Variants in IRAK4 observed in about 807,000 individuals in gnomAD.
IRAK4 encodes interleukin-1 receptor-associated kinase 4.
In IRAK4, 44 loss-of-function variants were observed where a neutral mutation model predicts 51.8. The ratio of observed to expected loss-of-function variants is 0.85; its 90% CI spans 0.67 to 1.09. IRAK4 has a LOEUF of 1.09. Among genes scored for constraint, IRAK4 ranks in the 50% least tolerant of loss-of-function variants. The probability of loss-of-function intolerance (pLI) is 0.00; values close to 1 mark genes in which losing one functional copy is unlikely to be tolerated. For synonymous variants in IRAK4, 149 were observed against 174.1 expected (o/e 0.86, Z 1.13); for missense variants, 487 against 538.0 (o/e 0.91, Z 0.94).
intron 1 of IRAK4, among the ~76,000 whole-genome samples, chr12:43,761,684 C>T (rs909927113): frequency 3.3e-4 from 51 of 152,314 alleles, no homozygotes; most frequent in African/African-American, 1.2e-3. Context: ...CACCCCTGCA[C>T]AATCTTTTCC....
At chr12:43,767,182 G>C (rs1940242346) in intron 1 of IRAK4, among the ~76,000 whole-genome samples, 1 of 152,118 alleles carries the variant, frequency 6.6e-6, no homozygotes, top group African/African-American at 2.4e-5. Context: ...GTCTTAATTG[G>C]AAGGAAAGAT....
chr12:43,783,119 G>C (rs1481135093), intron 9 of IRAK4, among the ~76,000 whole-genome samples: 1 of 152,110 alleles, frequency 6.6e-6, no homozygotes, highest in African/African-American at 2.4e-5. Flanking sequence ...GAAAAGAGCT[G>C]CTTATGGTCA....
In IRAK4 at chr12:43,777,631, T is replaced by A. The variant is rs1348205393; in HGVS notation, c.718T>A (p.Cys240Ser). 6.2e-7 allele frequency: 1 copy of A among 1,603,432 alleles called. No individual in the cohort carries two copies. The highest frequency in any genetic ancestry group is 1.7e-5 in the Admixed American group (1 of 59,534). ...TGCATGAAAAATTATTTGTCACAGG[T>A]GTCAACATGAAAACTTAGTAGAACT... ...FDQEIKVMAK[C>S]QHENLVELLG... Residue 240 changes from cysteine (C) to serine (S), a missense_variant and splice_region_variant, in exon 7 of 12, where the codon TGT becomes AGT. By Grantham distance (112) the Cys-to-Ser change is moderately radical. Coordinates refer to ENST00000613694, the MANE Select transcript of IRAK4 (RefSeq NM_016123.4).
At chr12:43,760,266 C>T (rs1939363468) in intron 1 of IRAK4, among the ~76,000 whole-genome samples, 1 of 152,230 alleles carries the variant, frequency 6.6e-6, no homozygotes, top group South Asian at 2.1e-4. Flanking sequence ...CCTAGGACTT[C>T]TGCACTTGCT....
At chr12:43,778,089 ACAT>A (rs1244410297) in intron 7 of IRAK4, 101 bp from the exon 8 acceptor site, 2 of 727,312 alleles carry the variant, frequency 2.7e-6, no homozygotes, top group African/African-American at 1.8e-5. Context: ...TAATGCTATA[ACAT>A]CATCTTCAGT....
intron 9 of IRAK4, 111 bp downstream of exon 9, chr12:43,782,601 TAA>T (rs1941876090): frequency 6.4e-6 from 6 of 941,676 alleles, no homozygotes; most frequent in African/African-American, 1.7e-5. Flanking sequence ...TGTAACAATA[TAA>T]GTTTTTCACA....
At chr12:43,773,126 T>C (rs1940946001) in intron 5 of IRAK4, 54 bp downstream of exon 5, 2 of 1,459,834 alleles carry the variant, frequency 1.4e-6, no homozygotes, top group Non-Finnish European at 1.9e-6. Context: ...GTGTGCCCTA[T>C]AATAGGTTTT....
intron 1 of IRAK4, chr12:43,759,370 G>A (rs557115716): frequency 6.6e-6 from 1 of 152,266 alleles, no homozygotes; most frequent in African/African-American, 2.4e-5. Flanking sequence ...CCAGAACCAG[G>A]AAGTCAGGCC....
intron 11 of IRAK4, 53 bp downstream of exon 11, chr12:43,786,610 T>C (rs1462130130): frequency 1.1e-5 from 18 of 1,607,948 alleles, no homozygotes; most frequent in Non-Finnish European, 1.4e-5. Context: ...GTTCATCATA[T>C]TTTCCAGAGT....
intron 6 of IRAK4, among the ~76,000 whole-genome samples, chr12:43,777,427 A>G (rs1941380305): frequency 6.6e-6 from 1 of 152,210 alleles, no homozygotes; most frequent in Non-Finnish European, 1.5e-5. Context: ...AATGTTGATT[A>G]ATACTGGCTG....
intron 6 of IRAK4, among the ~76,000 whole-genome samples, chr12:43,775,916 C>G (rs528787172): frequency 1.8e-4 from 21 of 118,488 alleles, no homozygotes; most frequent in Admixed American, 4.4e-4. Context: ...GAATCTCGCT[C>G]TGTTGCCCAG....
At position 43,786,578 on chromosome 12, in the gene IRAK4, T is replaced by C. The variant is rs376401287; in HGVS notation, c.1347+21T>C. 37 of 1,611,860 alleles carry C rather than the reference T, an allele frequency of 2.3e-5. No individual in the cohort carries two copies. In the African/African-American group the frequency reaches 4.5e-4, roughly 20 times the overall value. Reference sequence around the variant, plus strand: ...AGAAGGTATGCATTTTTTATACTTATTTAAAAAGTGAAAGGGGTGGGGTTC... The same window carrying C: ...AGAAGGTATGCATTTTTTATACTTACTTAAAAAGTGAAAGGGGTGGGGTTC... On this transcript the variant is annotated intron_variant, in intron 11 of 11. Transcript: ENST00000613694.
At chr12:43,782,608 T>C in intron 9 of IRAK4, 118 bp downstream of exon 9, 1 of 861,062 alleles carries the variant, frequency 1.2e-6, no homozygotes, top group Non-Finnish European at 1.8e-6. Context: ...ATATAAGTTT[T>C]TCACATTAAC....
intron 8 of IRAK4, among the ~76,000 whole-genome samples, chr12:43,782,082 A>G (rs1199097768): frequency 6.6e-6 from 1 of 152,036 alleles, no homozygotes; most frequent in African/African-American, 2.4e-5. Context: ...AAAAGAGGAC[A>G]GTTGCTTCTC....
rs1307635163 is a variant in IRAK4 at position 43,783,651 on chromosome 12, T to C, written c.1126-11T>C. 7 of 1,570,368 alleles carry C rather than the reference T, an allele frequency of 4.5e-6. No homozygotes were observed. The highest frequency in any genetic ancestry group is 6.1e-6 in the Non-Finnish European group (7 of 1,142,164). Reference sequence around the variant, plus strand: ...TGTGTATTATATTAATGATTTTTTTTGTCTTCATAGGTTTTACTAGAAATA... The same window carrying C: ...TGTGTATTATATTAATGATTTTTTTCGTCTTCATAGGTTTTACTAGAAATA... On this transcript the variant is annotated splice_polypyrimidine_tract_variant and intron_variant, in intron 9 of 11. Coordinates refer to ENST00000613694, the MANE Select transcript of IRAK4 (RefSeq NM_016123.4).
chr12:43,778,719 CATCA>C (rs1334864093), intron 8 of IRAK4, among the ~76,000 whole-genome samples: 5 of 152,046 alleles, frequency 3.3e-5, no homozygotes, highest in Admixed American at 2.0e-4. Flanking sequence ...TAGAGCTCAA[CATCA>C]ATCAAATAAG....
Position 43,786,401 on chromosome 12 carries a change from A to G in IRAK4, c.1191A>G (p.Leu397=), listed in dbSNP as rs773095217. Residue 397 remains leucine (L), a splice_region_variant and synonymous_variant, in exon 11 of 12, where the codon CTA becomes CTG. Coordinates refer to ENST00000613694, the MANE Select transcript of IRAK4 (RefSeq NM_016123.4). ...AAGTTTTAACACTCATTTTAAAGCT[A>G]GATATTAAAGAAGAAATTGAAGATG... ...VDEHREPQLL[L]DIKEEIEDEE... The G allele has an allele frequency of 5.1e-6, 8 of 1,567,254 alleles. No homozygotes were observed. Among genetic ancestry groups the G allele is most frequent in the Non-Finnish European group, 6.1e-6 (7 of 1,147,140 alleles).
intron 4 of IRAK4, 21 bp from the exon 5 acceptor site, chr12:43,772,891 G>A (rs1259025632): frequency 1.9e-5 from 29 of 1,564,790 alleles, no homozygotes; most frequent in Non-Finnish European, 2.5e-5. Flanking sequence ...ATTTAAGCAT[G>A]TTTTTCTTAT....
At chr12:43,764,938 G>T (rs968142379) in intron 1 of IRAK4, among the ~76,000 whole-genome samples, 1 of 152,136 alleles carries the variant, frequency 6.6e-6, no homozygotes, top group African/African-American at 2.4e-5. Context: ...CCAAAAACCT[G>T]CAGCCATGCC....
Sources: gnomAD v4.1 joint callset for allele counts (sites outside exome capture counted in the v4.1 genomes callset) on GRCh38, gnomAD v4.1.1 for gene constraint, MANE v1.5 for transcripts, NCBI Gene and HGNC (gene_info 2026-07-23, HGNC 2026-07-21) for gene names.